The following ROBO1 variants were observed in gnomAD, a reference collection of about 807,000 sequenced individuals.
The protein encoded by ROBO1 is roundabout homolog 1.
Under a neutral mutation model 195.9 loss-of-function variants are expected in ROBO1, and 149 were observed. The ratio of observed to expected loss-of-function variants is 0.76; its 90% CI spans 0.67 to 0.87. ROBO1 has a LOEUF of 0.87. Ranked by LOEUF, ROBO1 falls within the 40% of genes least tolerant of loss-of-function variation. The pLI is 0.00. For missense variants in ROBO1, 1,933 were observed against 2,068.3 expected, an observed-to-expected ratio of 0.93 and a Z score of 1.27; for synonymous variants, 816 against 733.2, an observed-to-expected ratio of 1.11 and a Z score of -1.82.
At chr3:78,617,100 G>T (rs1326069304) in intron 27 of ROBO1, among the ~76,000 whole-genome samples, 2 of 152,076 alleles carry the variant, frequency 1.3e-5, no homozygotes, top group Non-Finnish European at 2.9e-5. Flanking sequence ...ATTCTAATTT[G>T]AGAGGACATA....
intron 4 of ROBO1, among the ~76,000 whole-genome samples, chr3:78,829,166 A>G (rs1369435761): frequency 2.0e-5 from 3 of 152,166 alleles, no homozygotes; most frequent in Non-Finnish European, 4.4e-5. Flanking sequence ...AGGATAATAA[A>G]TTTGTAATTA....
intron 3 of ROBO1, among the ~76,000 whole-genome samples, chr3:79,071,580 T>C (rs779268458): frequency 6.6e-6 from 1 of 151,828 alleles, no homozygotes; most frequent in Non-Finnish European, 1.5e-5. Flanking sequence ...GGGTGTCCTG[T>C]ATGTCTTTAA....
intron 2 of ROBO1, among the ~76,000 whole-genome samples, chr3:79,390,076 G>A (rs1007861937): frequency 1.3e-5 from 2 of 152,078 alleles, no homozygotes; most frequent in Admixed American, 1.3e-4. Context: ...AGATTTGATG[G>A]GAGAGAATAA....
chr3:78,807,475 T>C (rs2084582060), intron 4 of ROBO1, among the ~76,000 whole-genome samples: 1 of 152,154 alleles, frequency 6.6e-6, no homozygotes, highest in African/African-American at 2.4e-5. Flanking sequence ...TTTTCTTCTT[T>C]TGGTGAAAAA....
At chr3:78,630,276 T>C (rs1372553864) in intron 25 of ROBO1, among the ~76,000 whole-genome samples, 2 of 152,228 alleles carry the variant, frequency 1.3e-5, no homozygotes, top group Non-Finnish European at 2.9e-5. Flanking sequence ...CAACATTTGC[T>C]AACTCACTGT....
At chr3:78,658,566 G>C (rs914156818) in intron 17 of ROBO1, among the ~76,000 whole-genome samples, 5 of 152,190 alleles carry the variant, frequency 3.3e-5, no homozygotes, top group African/African-American at 1.2e-4. Context: ...ACAGGCGTGA[G>C]CCACAGCGCC....
intron 3 of ROBO1, among the ~76,000 whole-genome samples, chr3:79,041,889 AG>A (rs982869729): frequency 6.6e-6 from 1 of 152,210 alleles, no homozygotes; most frequent in Non-Finnish European, 1.5e-5. Context: ...GTGGAAATAA[AG>A]AAAGACATAA....
chr3:79,299,128 G>A (rs1009682487), intron 2 of ROBO1, among the ~76,000 whole-genome samples: 1 of 152,130 alleles, frequency 6.6e-6, no homozygotes, highest in South Asian at 2.1e-4. Context: ...AAGGTCATTT[G>A]AGGTAACATA....
intron 2 of ROBO1, among the ~76,000 whole-genome samples, chr3:79,493,667 A>T (rs1465613618): frequency 6.6e-6 from 1 of 151,906 alleles, no homozygotes; most frequent in Non-Finnish European, 1.5e-5. Flanking sequence ...AATAATTATG[A>T]ATTTTATACC....
At chr3:79,484,763 T>TTTTTTTTTTTTTTTTTTTTTTG in intron 2 of ROBO1, among the ~76,000 whole-genome samples, 1 of 115,860 alleles carries the variant, frequency 8.6e-6, no homozygotes, top group Non-Finnish European at 1.8e-5. Context: ...ATCTTTTTTT[T>TTTTTTTTTTTTTTTTTTTTTTG]TTTTTTTTTG....
chr3:78,696,763 T>TAA (rs1456602511), intron 8 of ROBO1, among the ~76,000 whole-genome samples: 1 of 148,682 alleles, frequency 6.7e-6, no homozygotes, highest in Non-Finnish European at 1.5e-5. Flanking sequence ...TATATATATA[T>TAA]AAACTGGTTT....
chr3:79,141,200 T>C (rs1263655162), intron 2 of ROBO1, among the ~76,000 whole-genome samples: 2 of 152,052 alleles, frequency 1.3e-5, no homozygotes, highest in African/African-American at 4.8e-5. Flanking sequence ...TGGGCCCAGA[T>C]CATGTGACGA....
At chr3:79,137,560 A>G (rs1370863214) in intron 2 of ROBO1, among the ~76,000 whole-genome samples, 1 of 152,052 alleles carries the variant, frequency 6.6e-6, no homozygotes, top group African/African-American at 2.4e-5. Flanking sequence ...TGTTTAATAG[A>G]ACACATCATT....
intron 7 of ROBO1, 61 bp downstream of exon 7, chr3:78,717,214 T>C: frequency 1.3e-6 from 2 of 1,488,582 alleles, no homozygotes; most frequent in East Asian, 2.4e-5. Flanking sequence ...GTGGAGATGA[T>C]GTGATGAGAA....
intron 2 of ROBO1, among the ~76,000 whole-genome samples, chr3:79,301,487 C>G (rs551038169): frequency 3.3e-5 from 5 of 152,278 alleles, no homozygotes; most frequent in African/African-American, 1.2e-4. Flanking sequence ...TTATTTGTAA[C>G]AATTTGAAAT....
intron 2 of ROBO1, among the ~76,000 whole-genome samples, chr3:79,314,638 A>C (rs2109106167): frequency 6.6e-6 from 1 of 152,294 alleles, no homozygotes; most frequent in South Asian, 2.1e-4. Context: ...ACAAAGACTA[A>C]AAATTCTGTT....
chr3:79,427,285 C>T (rs1272186873), intron 2 of ROBO1, among the ~76,000 whole-genome samples: 3 of 152,210 alleles, frequency 2.0e-5, no homozygotes, highest in South Asian at 4.1e-4. Context: ...TGGATGCTAA[C>T]ATTTTCAGTT....
rs116330942 is a variant in ROBO1 at position 79,275,560 on chromosome 3, A to G, written c.89-150021T>C. Among the ~76,000 whole-genome samples the G allele has an allele frequency of 8.1e-3, 1,233 of 152,102 alleles. 23 individuals are homozygous for G. The highest frequency in any genetic ancestry group is 0.029 in the African/African-American group (1,196 of 41,552). On this transcript the variant is annotated intron_variant, in intron 2 of 30. Transcript: ENST00000464233. Reference sequence around the variant, plus strand: ...AGAAAACCTGAAAGCCTTCCCACTAAAATCTGGAACATGACAAGGATGCCC... The same window carrying G: ...AGAAAACCTGAAAGCCTTCCCACTAGAATCTGGAACATGACAAGGATGCCC...
intron 5 of ROBO1, among the ~76,000 whole-genome samples, chr3:78,735,546 T>C (rs1378740252): frequency 6.6e-6 from 1 of 152,172 alleles, no homozygotes; most frequent in Admixed American, 6.6e-5. Flanking sequence ...TTAAGATGAA[T>C]TTCTATATGT....
Sources: allele counts gnomAD v4.1 joint callset (sites outside exome capture counted in the v4.1 genomes callset), GRCh38; gene constraint gnomAD v4.1.1; transcripts MANE v1.5; gene names NCBI Gene and HGNC (gene_info 2026-07-23, HGNC 2026-07-21).